The following GMDS variants were observed in gnomAD, a reference collection of about 807,000 sequenced individuals.
GMDS encodes GDP-mannose 4,6-dehydratase.
In GMDS, 20 loss-of-function variants were observed where a neutral mutation model predicts 49.9. The observed-to-expected ratio is 0.40, with a 90% CI of 0.28 to 0.58. GMDS has a LOEUF of 0.58. GMDS is among the 20% of genes least tolerant of loss of function. The pLI, the probability that GMDS is intolerant of heterozygous loss-of-function variation, is 0.42. For missense variants in GMDS, 362 were observed against 481.4 expected, an observed-to-expected ratio of 0.75 and a Z score of 2.32; for synonymous variants, 177 against 178.6, an observed-to-expected ratio of 0.99 and a Z score of 0.07.
intron 9 of GMDS, among the ~76,000 whole-genome samples, chr6:1,687,166 A>T (rs879914099): frequency 6.6e-6 from 1 of 152,152 alleles, no homozygotes; most frequent in African/African-American, 2.4e-5. Flanking sequence ...TAACCCCTTC[A>T]AGGTTCACGA....
chr6:1,797,017 A>G (rs1471118823), intron 7 of GMDS, among the ~76,000 whole-genome samples: 3 of 152,220 alleles, frequency 2.0e-5, no homozygotes, highest in African/African-American at 4.8e-5. Flanking sequence ...AGGGATCCCT[A>G]AACCCCAGGC....
chr6:2,124,573 T>C, intron 2 of GMDS, 114 bp downstream of exon 2: 1 of 802,504 alleles, frequency 1.2e-6, no homozygotes, highest in African/African-American at 1.7e-5. Context: ...TTCTGATTTG[T>C]TATCTGCGTT....
intron 1 of GMDS, among the ~76,000 whole-genome samples, chr6:2,212,324 G>T (rs1299931530): frequency 6.6e-6 from 1 of 152,120 alleles, no homozygotes; most frequent in Non-Finnish European, 1.5e-5. Flanking sequence ...CAAGCATACA[G>T]ACATGTTAAC....
chr6:1,823,704 A>C (rs911215545), intron 7 of GMDS, among the ~76,000 whole-genome samples: 3 of 152,106 alleles, frequency 2.0e-5, no homozygotes, highest in African/African-American at 7.2e-5. Flanking sequence ...ATGGCTTCAA[A>C]TATCTATGTT....
intron 9 of GMDS, among the ~76,000 whole-genome samples, chr6:1,703,402 T>A (rs1288366919): frequency 6.6e-6 from 1 of 151,986 alleles, no homozygotes; most frequent in Non-Finnish European, 1.5e-5. Flanking sequence ...TAACACAGCA[T>A]ATCCAAACAT....
intron 4 of GMDS, among the ~76,000 whole-genome samples, chr6:2,034,852 G>A (rs921399749): frequency 6.6e-6 from 1 of 152,198 alleles, no homozygotes; most frequent in East Asian, 1.9e-4. Flanking sequence ...GCAGATAGGA[G>A]AAGCCAGCCA....
intron 1 of GMDS, among the ~76,000 whole-genome samples, chr6:2,164,712 C>A (rs139967111): frequency 1.1e-3 from 169 of 152,354 alleles, no homozygotes; most frequent in African/African-American, 3.5e-3. Context: ...CATCATAATA[C>A]AGCCAGTCAC....
Position 1,833,502 on chromosome 6 carries a change from A to G in GMDS, c.772-90916T>C, listed in dbSNP as rs1047768508. Among the ~76,000 whole-genome samples the G allele has an allele frequency of 6.6e-6, 1 of 152,020 alleles. No individual in the cohort carries two copies. Among genetic ancestry groups the G allele is most frequent in the Admixed American group, 6.5e-5 (1 of 15,284 alleles). ...ATCCTGAATGCAGCACACATTTTTA[A>G]AACTTTTTTTTTTTGCCTTTTCTTC... On this transcript the variant is annotated intron_variant, in intron 7 of 10. Transcript: ENST00000380815. This position sits in a 1 kb window ranked among gnomAD's most constrained non-coding sequence, Gnocchi z 4.4.
At position 1,833,080 on chromosome 6, in the gene GMDS, C is replaced by T. The variant is rs576009739; in HGVS notation, c.772-90494G>A. Among the ~76,000 whole-genome samples, 65 of 151,560 alleles carry T rather than the reference C, an allele frequency of 4.3e-4. No individual in the cohort carries two copies. The highest frequency in any genetic ancestry group is 2.5e-3 in the Admixed American group (38 of 15,228). The stretch of plus-strand genomic sequence containing the variant: ...ACAAAGGACGGAAAATTGCTGGCGC[C>T]GCTGGACCTGTGCCCAGCTCACCCG... On this transcript the variant is annotated intron_variant, in intron 7 of 10. Coordinates refer to ENST00000380815, the MANE Select transcript of GMDS (RefSeq NM_001500.4). This position sits in a 1 kb window ranked among gnomAD's most constrained non-coding sequence, Gnocchi z 4.4.
At chr6:2,232,037 T>C (rs779956173) in intron 1 of GMDS, among the ~76,000 whole-genome samples, 55 of 152,176 alleles carry the variant, frequency 3.6e-4, no homozygotes, top group Admixed American at 4.6e-4. Context: ...ACCCGTTCTT[T>C]AGCAAAATGA....
At chr6:2,169,692 G>C (rs1225441450) in intron 1 of GMDS, among the ~76,000 whole-genome samples, 1 of 150,888 alleles carries the variant, frequency 6.6e-6, no homozygotes, top group African/African-American at 2.4e-5. Flanking sequence ...GCCATCAGAA[G>C]AATAACTTAT....
At chr6:2,171,213 G>T (rs1346296614) in intron 1 of GMDS, among the ~76,000 whole-genome samples, 1 of 152,138 alleles carries the variant, frequency 6.6e-6, no homozygotes, top group Non-Finnish European at 1.5e-5. Context: ...GGTCTGAGGA[G>T]CTTAATAAAA....
intron 7 of GMDS, among the ~76,000 whole-genome samples, chr6:1,783,357 CT>C (rs1561802257): frequency 2.0e-5 from 3 of 152,150 alleles, no homozygotes; most frequent in African/African-American, 4.8e-5. Context: ...TCTTAATGGG[CT>C]CTGATATTTT....
intron 4 of GMDS, among the ~76,000 whole-genome samples, chr6:2,036,808 T>C (rs931449357): frequency 3.9e-5 from 6 of 152,214 alleles, no homozygotes; most frequent in Admixed American, 6.5e-5. Context: ...TATGGCATGC[T>C]GATATGTACT....
chr6:1,803,547 A>C (rs559231189), intron 7 of GMDS, among the ~76,000 whole-genome samples: 1 of 152,208 alleles, frequency 6.6e-6, no homozygotes, highest in East Asian at 1.9e-4. Context: ...CCCTTTAGAA[A>C]AACCAAAATG....
intron 1 of GMDS, among the ~76,000 whole-genome samples, chr6:2,205,017 G>T (rs1035651377): frequency 1.3e-5 from 2 of 151,918 alleles, no homozygotes; most frequent in East Asian, 1.9e-4. Flanking sequence ...TTTTTTTTAC[G>T]TCTAAAGTTT....
At chr6:1,633,378 A>C (rs1763052534) in intron 9 of GMDS, among the ~76,000 whole-genome samples, 1 of 152,198 alleles carries the variant, frequency 6.6e-6, no homozygotes, top group Non-Finnish European at 1.5e-5. Flanking sequence ...TTGTTGCCAC[A>C]TATTTACTGC....
rs746193577 is a variant in GMDS at position 1,624,479 on chromosome 6, G to A, written c.1049C>T (p.Ala350Val). Reference protein sequence around the residue: ...KQKLNWKPRVAFDELVREMVH... With the variant: ...KQKLNWKPRVVFDELVREMVH... The stretch of plus-strand genomic sequence containing the variant: ...GCCCTAAGAGATACTCACATCGAAA[G>A]CGACCCGGGGCTTCCAGTTCAGCTT... The change falls in exon 10 of 11, where the codon GCT becomes GTT. Residue 350 changes from alanine to valine, a missense_variant. By Grantham distance (64) the Ala-to-Val change is moderately conservative. Coordinates refer to ENST00000380815, the MANE Select transcript of GMDS (RefSeq NM_001500.4). The A allele has an allele frequency of 6.2e-7, 1 of 1,613,582 alleles. No homozygotes were observed. Among genetic ancestry groups the A allele is most frequent in the Admixed American group, 1.7e-5 (1 of 60,016 alleles).
intron 4 of GMDS, among the ~76,000 whole-genome samples, chr6:2,040,566 A>G (rs748799034): frequency 6.6e-6 from 1 of 152,336 alleles, no homozygotes; most frequent in Middle Eastern, 3.4e-3. Context: ...AGCAATGTAC[A>G]TTAATTTTTA....
Sources: allele counts gnomAD v4.1 joint callset (sites outside exome capture counted in the v4.1 genomes callset), GRCh38; gene constraint gnomAD v4.1.1; non-coding constraint Gnocchi (gnomAD v3.1); transcripts MANE v1.5; gene names NCBI Gene and HGNC (gene_info 2026-07-23, HGNC 2026-07-21).